ABCB5: variants seen among roughly 807,000 people sequenced by gnomAD.
ABCB5 encodes ATP binding cassette subfamily B member 5, also known as ATP-binding cassette sub-family B member 5.
ABCB5 carries 155 observed loss-of-function variants against 144.2 expected under a neutral mutation model. That is an observed-to-expected ratio of 1.08 (90% CI 0.94 to 1.23). The LOEUF is 1.23. ABCB5 is among the 50% of genes most tolerant of loss of function. The pLI is 0.00. For synonymous variants in ABCB5, 610 were observed against 528.6 expected (o/e 1.15, Z -2.11); for missense variants, 1,830 against 1,520.8 (o/e 1.20, Z -3.38).
At chr7:20,735,523 G>A (rs189369777) in intron 23 of ABCB5, among the ~76,000 whole-genome samples, 2 of 152,318 alleles carry the variant, frequency 1.3e-5, no homozygotes, top group Admixed American at 1.3e-4. Flanking sequence ...TTCTTTCCAT[G>A]TTGGCTGCCA....
At chr7:20,693,459 C>A (rs1786301318) in intron 16 of ABCB5, among the ~76,000 whole-genome samples, 1 of 151,992 alleles carries the variant, frequency 6.6e-6, no homozygotes, top group South Asian at 2.1e-4. Context: ...GTCTGGGAAA[C>A]CTTGAAATAT....
intron 14 of ABCB5, among the ~76,000 whole-genome samples, chr7:20,676,860 C>G (rs1267054757): frequency 6.6e-6 from 1 of 152,052 alleles, no homozygotes; most frequent in Admixed American, 6.6e-5. Flanking sequence ...AAAAACTTGT[C>G]TAAGTCCTCC....
chr7:20,646,725 A>T (rs1248728800), intron 9 of ABCB5, among the ~76,000 whole-genome samples: 1 of 152,208 alleles, frequency 6.6e-6, no homozygotes, highest in African/African-American at 2.4e-5. Context: ...ATTAAGAAAC[A>T]TTTGTCTTGA....
intron 24 of ABCB5, 47 bp downstream of exon 24, chr7:20,739,186 T>C (rs775007250): frequency 4.3e-5 from 65 of 1,499,856 alleles, no homozygotes; most frequent in Non-Finnish European, 5.5e-5. Flanking sequence ...ATGGCAACAG[T>C]AGGAACTGGG....
rs1195847651 is a variant in ABCB5 at position 20,723,062 on chromosome 7, T to C, written c.2468T>C (p.Met823Thr). 1 of 1,614,148 alleles carries C rather than the reference T, an allele frequency of 6.2e-7. No individual in the cohort carries two copies. Among genetic ancestry groups the C allele is most frequent in the Non-Finnish European group, 8.5e-7 (1 of 1,180,024 alleles). The stretch of plus-strand genomic sequence containing the variant: ...GTCTTAACACAAAATGCAACTAACA[T>C]GGGACTTTCAGTTATCATTTCCTTT... Reference protein sequence around the residue: ...IGVLTQNATNMGLSVIISFIY... With the variant: ...IGVLTQNATNTGLSVIISFIY... The change falls in exon 21 of 28, where the codon ATG becomes ACG. Residue 823 changes from methionine to threonine, a missense_variant. Transcript: ENST00000404938.
chr7:20,686,854 A>G (rs1786019128), intron 16 of ABCB5, among the ~76,000 whole-genome samples: 1 of 151,982 alleles, frequency 6.6e-6, no homozygotes, highest in Non-Finnish European at 1.5e-5. Flanking sequence ...CCTTGGTCTC[A>G]TCTGTCAATT....
chr7:20,632,201 G>T, intron 5 of ABCB5, 88 bp downstream of exon 5: 1 of 826,340 alleles, frequency 1.2e-6, no homozygotes, highest in South Asian at 2.0e-5. Flanking sequence ...AATTTTGTAT[G>T]ACCATTAATA....
At chr7:20,701,400 T>C (rs1028210682) in intron 19 of ABCB5, among the ~76,000 whole-genome samples, 1 of 152,156 alleles carries the variant, frequency 6.6e-6, no homozygotes, top group African/African-American at 2.4e-5. Context: ...TTTAAATTTC[T>C]AGAAACTTTT....
At chr7:20,688,899 T>C (rs1056608116) in intron 16 of ABCB5, among the ~76,000 whole-genome samples, 3 of 151,348 alleles carry the variant, frequency 2.0e-5, no homozygotes, top group African/African-American at 7.3e-5. Flanking sequence ...TTCTCACTCA[T>C]AGGTGGGAAT....
At chr7:20,654,490 G>A (rs1158444483) in intron 13 of ABCB5, among the ~76,000 whole-genome samples, 1 of 152,114 alleles carries the variant, frequency 6.6e-6, no homozygotes, top group East Asian at 1.9e-4. Flanking sequence ...AATACTAACA[G>A]GCAGCTAGAT....
rs1491248865 is a variant in ABCB5, at chr7:20,711,786, T to TTCTCTCTC, written c.2421+6982_2421+6983insCTCTCTCT. Among the ~76,000 whole-genome samples, 402 of 34,168 alleles carry TTCTCTCTC rather than the reference T, an allele frequency of 0.012. 54 individuals carry two copies. In the East Asian group the frequency reaches 0.13, roughly 11 times the overall value. 22.4% of individuals were successfully genotyped at this position (34,168 alleles called of 152,430 possible). A position where few individuals can be genotyped will look rare whatever the true frequency, so the allele number is the denominator to read the frequency against. On this transcript the variant is annotated intron_variant, in intron 20 of 27. Coordinates refer to ENST00000404938, the MANE Select transcript of ABCB5 (RefSeq NM_001163941.2). ...CCTGCCTTTCCTTCTTTCTCTTTCT[T>TTCTCTCTC]TCTTTCTTTCTTTCTTTCTTTCTTT... is the stretch of plus-strand genomic sequence containing the variant.
At chr7:20,672,129 A>G (rs1360546486) in intron 14 of ABCB5, among the ~76,000 whole-genome samples, 4 of 152,028 alleles carry the variant, frequency 2.6e-5, no homozygotes, top group Non-Finnish European at 5.9e-5. Flanking sequence ...TGTCTGTTCA[A>G]ATCTTTAGCC....
At chr7:20,669,186 A>G (rs1785364425) in intron 14 of ABCB5, among the ~76,000 whole-genome samples, 1 of 146,954 alleles carries the variant, frequency 6.8e-6, no homozygotes, top group Non-Finnish European at 1.5e-5. Flanking sequence ...CTGGGAAGTG[A>G]GGAGCCCCTC....
intron 25 of ABCB5, 79 bp from the exon 26 acceptor site, chr7:20,745,153 G>A (rs909272450): frequency 5.9e-6 from 8 of 1,361,132 alleles, no homozygotes; most frequent in Non-Finnish European, 8.4e-6. Context: ...TATGATTTGT[G>A]TGTGTTTGAA....
rs947527878 is a variant in ABCB5 at position 20,674,081 on chromosome 7, G to A, written c.1708-7424G>A. On this transcript the variant is annotated intron_variant, in intron 14 of 27. Coordinates refer to ENST00000404938, the MANE Select transcript of ABCB5 (RefSeq NM_001163941.2). Reference sequence around the variant, plus strand: ...CCCTTTTTGGCCTTTAAGCTATTGCGATTAGACATCTTACTTCTACATATG... The same window carrying A: ...CCCTTTTTGGCCTTTAAGCTATTGCAATTAGACATCTTACTTCTACATATG... 5.9e-5 allele frequency among the ~76,000 whole-genome samples: 9 copies of A among 151,778 alleles called. No homozygotes were observed. In the South Asian group the frequency reaches 6.2e-4, roughly 11 times the overall value.
Position 20,699,008 on chromosome 7 carries a change from T to G in ABCB5, c.2154+458T>G, listed in dbSNP as rs372823861. Among the ~76,000 whole-genome samples the G allele has an allele frequency of 1.1e-4, 16 of 152,340 alleles. No individual in the cohort carries two copies. The East Asian group carries it at 1.7e-3, about 17-fold the overall frequency. ...TACAAGATCCATGCTTACTCTTCAA[T>G]GTTAACTAAAGTTCTAGCCTGGAAC... On this transcript the variant is annotated intron_variant, in intron 17 of 27. Coordinates refer to ENST00000404938, the MANE Select transcript of ABCB5 (RefSeq NM_001163941.2).
chr7:20,727,306 G>A (rs1782067655), intron 22 of ABCB5, among the ~76,000 whole-genome samples, 166 bp downstream of exon 22: 1 of 152,138 alleles, frequency 6.6e-6, no homozygotes. Context: ...AACTAGAAGA[G>A]GAATTGAGGG....
At chr7:20,669,944 T>A (rs1269229657) in intron 14 of ABCB5, among the ~76,000 whole-genome samples, 4 of 152,136 alleles carry the variant, frequency 2.6e-5, no homozygotes, top group Non-Finnish European at 5.9e-5. Flanking sequence ...AGAATAGAAT[T>A]CAAACTTGAA....
intron 16 of ABCB5, among the ~76,000 whole-genome samples, chr7:20,688,981 G>T (rs549195466): frequency 7.3e-5 from 11 of 151,580 alleles, no homozygotes; most frequent in East Asian, 3.9e-4. Context: ...GTGGGGAGAG[G>T]GGGGAGGGAT....
Sources: gnomAD v4.1 joint callset for allele counts (sites outside exome capture counted in the v4.1 genomes callset) on GRCh38, gnomAD v4.1.1 for gene constraint, MANE v1.5 for transcripts, NCBI Gene and HGNC (gene_info 2026-07-23, HGNC 2026-07-21) for gene names.